Variants in YAF2 observed in about 807,000 individuals in gnomAD.
The protein encoded by YAF2 is YY1-associated factor 2.
A neutral mutation model predicts 20.1 loss-of-function variants in YAF2; 7 were observed. The ratio of observed to expected loss-of-function variants is 0.35; its 90% CI spans 0.20 to 0.65. YAF2 has a LOEUF of 0.65. Among genes scored for constraint, YAF2 ranks in the 30% least tolerant of loss-of-function variants. The probability of loss-of-function intolerance (pLI) is 0.69; values close to 1 mark genes in which losing one functional copy is unlikely to be tolerated. For missense variants in YAF2, 151 were observed against 219.2 expected, an observed-to-expected ratio of 0.69 and a Z score of 1.96; for synonymous variants, 74 against 76.0, an observed-to-expected ratio of 0.97 and a Z score of 0.14.
At chr12:42,235,735 A>G (rs2068129258) in intron 2 of YAF2, 1 of 1,534,666 alleles carries the variant, frequency 6.5e-7, no homozygotes, top group African/African-American at 1.4e-5. Flanking sequence ...TAAAAATTGG[A>G]TCTACAAGAG....
At chr12:42,215,919 C>T (rs917516581) in intron 2 of YAF2, among the ~76,000 whole-genome samples, 1 of 148,886 alleles carries the variant, frequency 6.7e-6, no homozygotes, top group African/African-American at 2.5e-5. Flanking sequence ...AGCGAGATTC[C>T]AGCTCAAAAA....
chr12:42,161,890 A>G, intron 2 of YAF2, 125 bp from the exon 3 acceptor site: 1 of 846,686 alleles, frequency 1.2e-6, no homozygotes, highest in South Asian at 1.8e-5. Context: ...AAAATTCCTC[A>G]TATGTAAGGT....
chr12:42,161,638 T>C lies in YAF2; in HGVS notation c.280A>G (p.Lys94Glu). The C allele has an allele frequency of 6.3e-7, 1 of 1,598,330 alleles. No homozygotes were observed. The highest frequency in any genetic ancestry group is 8.5e-7 in the Non-Finnish European group (1 of 1,174,154). ...KEKSEKETTS[K>E]KNSHKKTRPR... ...CTGGTTTTCTTATGGCTATTCTTTT[T>C]GCTAGTTGTTTCCTTTTCACTTTTT... Residue 94 changes from lysine (K) to glutamate (E), a missense_variant, in exon 3 of 4, where the codon AAA becomes GAA. Lys to Glu is a moderately conservative substitution (Grantham distance 56). Coordinates refer to ENST00000534854, the MANE Select transcript of YAF2 (RefSeq NM_005748.6).
At chr12:42,165,361 C>T (rs1488795444) in intron 2 of YAF2, among the ~76,000 whole-genome samples, 1 of 152,150 alleles carries the variant, frequency 6.6e-6, no homozygotes, top group Non-Finnish European at 1.5e-5. Flanking sequence ...CTTCATTAAG[C>T]ATTTTATTAA....
rs1296313030 is a variant in YAF2 at position 42,172,872 on chromosome 12, G to A, written c.153-11107C>T. 4.6e-5 allele frequency among the ~76,000 whole-genome samples: 7 copies of A among 152,160 alleles called. No individual in the cohort carries two copies. In the East Asian group the frequency reaches 1.2e-3, roughly 25 times the overall value. ...GGATGAGCCTACGGCATTATGCTAA[G>A]TGAAAAACACCAGTCATTAAAGACC... is the stretch of plus-strand genomic sequence containing the variant. On this transcript the variant is annotated intron_variant, in intron 2 of 3. Coordinates refer to ENST00000534854, the MANE Select transcript of YAF2 (RefSeq NM_005748.6).
chr12:42,238,144 G>A lies in YAF2; in HGVS notation c.26+11C>T. 1.3e-6 allele frequency: 2 copies of A among 1,541,054 alleles called. No homozygotes were observed. Among genetic ancestry groups the A allele is most frequent in the African/African-American group, 1.4e-5 (1 of 69,870 alleles). On this transcript the variant is annotated intron_variant, in intron 1 of 3. Transcript: ENST00000534854. ...CGCACAGTCCGGGCCCCGGGGCCCG[G>A]GCGCTGTTACCTGGTGGGGCTCTTC...
At chr12:42,196,995 C>T (rs1034200025) in intron 2 of YAF2, among the ~76,000 whole-genome samples, 1 of 152,182 alleles carries the variant, frequency 6.6e-6, no homozygotes, top group African/African-American at 2.4e-5. Flanking sequence ...CCTGAGAAGG[C>T]AGTGTCTGTT....
At chr12:42,232,804 A>G (rs1219935977) in intron 2 of YAF2, 1 of 985,416 alleles carries the variant, frequency 1.0e-6, no homozygotes, top group Non-Finnish European at 1.2e-6. Context: ...TTTATAGCTT[A>G]CTTTTAAAAG....
At chr12:42,215,405 C>T (rs2605401) in intron 2 of YAF2, among the ~76,000 whole-genome samples, 104,822 of 151,738 alleles carry the variant, frequency 0.69, 37,195 homozygotes, top group African/African-American at 0.86. Flanking sequence ...CATATCTACA[C>T]AAAATTGAAA....
At chr12:42,169,706 C>T (rs1414742604) in intron 2 of YAF2, among the ~76,000 whole-genome samples, 1 of 152,046 alleles carries the variant, frequency 6.6e-6, no homozygotes, top group African/African-American at 2.4e-5. Context: ...AACCACCGTG[C>T]CCAGCCAACT....
At chr12:42,201,507 C>T (rs1565628330) in intron 2 of YAF2, among the ~76,000 whole-genome samples, 1 of 152,068 alleles carries the variant, frequency 6.6e-6, no homozygotes, top group Non-Finnish European at 1.5e-5. Flanking sequence ...CACAAATCCA[C>T]CGAATATTAA....
At chr12:42,200,125 T>A (rs2066859514) in intron 2 of YAF2, among the ~76,000 whole-genome samples, 1 of 152,214 alleles carries the variant, frequency 6.6e-6, no homozygotes, top group Admixed American at 6.5e-5. Flanking sequence ...GTGAAGAAGC[T>A]ATAACATCTG....
At chr12:42,235,033 A>G (rs1397978049) in intron 2 of YAF2, 18 of 985,414 alleles carry the variant, frequency 1.8e-5, no homozygotes, top group Non-Finnish European at 2.2e-5. Flanking sequence ...TAGAACAAGG[A>G]CTCAATCTTC....
rs1402159374 is a variant in YAF2, at chr12:42,160,634, A to C, written c.498T>G (p.Ser166=). ...ATGATGAGGCTTCTCCTCTGGGTGAAGATGACCTGGACATTCCTCTCTCTG... is the reference window on the plus strand; with the variant it reads ...ATGATGAGGCTTCTCCTCTGGGTGACGATGACCTGGACATTCCTCTCTCTG... ...DNTERGMSRS[S]SPRGEASSLN... Residue 166 remains serine, a synonymous_variant, in exon 4 of 4, where the codon TCT becomes TCG. Coordinates refer to ENST00000534854, the MANE Select transcript of YAF2 (RefSeq NM_005748.6). 1 of 1,613,844 alleles carries C rather than the reference A, an allele frequency of 6.2e-7. No individual in the cohort carries two copies. Among genetic ancestry groups the C allele is most frequent in the East Asian group, 2.2e-5 (1 of 44,874 alleles).
At chr12:42,229,539 T>C (rs2067913873) in intron 2 of YAF2, among the ~76,000 whole-genome samples, 1 of 152,142 alleles carries the variant, frequency 6.6e-6, no homozygotes, top group Admixed American at 6.5e-5. Context: ...GTCTAGACAA[T>C]TATACTACAA....
At chr12:42,167,470 C>T (rs1198823569) in intron 2 of YAF2, among the ~76,000 whole-genome samples, 2 of 151,982 alleles carry the variant, frequency 1.3e-5, no homozygotes, top group African/African-American at 4.8e-5. Context: ...TTGAAGACCT[C>T]AAGGAAAGAA....
intron 2 of YAF2, among the ~76,000 whole-genome samples, chr12:42,206,800 T>C (rs1242264313): frequency 1.3e-5 from 2 of 152,128 alleles, no homozygotes; most frequent in African/African-American, 2.4e-5. Flanking sequence ...AAAGTTCTAT[T>C]ATTCCCATTT....
At chr12:42,187,672 T>C (rs765933201) in intron 2 of YAF2, among the ~76,000 whole-genome samples, 47 of 152,188 alleles carry the variant, frequency 3.1e-4, no homozygotes, top group Admixed American at 6.5e-4. Context: ...GAGTAAAATA[T>C]ATATAGCATG....
In YAF2 at chr12:42,157,575, C is replaced by A. The variant is rs891339143; in HGVS notation, c.*3014G>T. On this transcript the variant is annotated 3_prime_UTR_variant, in exon 4 of 4. Coordinates refer to ENST00000534854, the MANE Select transcript of YAF2 (RefSeq NM_005748.6). ...CTACATTCTTTCAGTCTATAAGGAT[C>A]TTTATCTAAAAGTTAATAAACATGC... The A allele has an allele frequency of 6.6e-6, 1 of 152,180 alleles. No homozygotes were observed. Among genetic ancestry groups the A allele is most frequent in the Non-Finnish European group, 1.5e-5 (1 of 68,022 alleles). 9.4% of individuals were successfully genotyped at this position (152,180 alleles called of 1,614,324 possible).
Sources: allele counts gnomAD v4.1 joint callset (sites outside exome capture counted in the v4.1 genomes callset), GRCh38; gene constraint gnomAD v4.1.1; transcripts MANE v1.5; gene names NCBI Gene and HGNC (gene_info 2026-07-23, HGNC 2026-07-21).